The following GCSAML variants were observed in gnomAD, a reference collection of about 807,000 sequenced individuals.
The protein encoded by GCSAML is germinal center-associated signaling and motility-like protein.
A neutral mutation model predicts 13.0 loss-of-function variants in GCSAML; 9 were observed. The ratio of observed to expected loss-of-function variants is 0.69; its 90% CI spans 0.42 to 1.21. The LOEUF (loss-of-function observed/expected upper bound fraction) is 1.21, where lower values mean the gene tolerates loss of function less well. GCSAML is among the 50% of genes most tolerant of loss of function. The pLI, the probability that GCSAML is intolerant of heterozygous loss-of-function variation, is 0.00. For missense variants in GCSAML, 143 were observed against 153.4 expected (o/e 0.93, Z 0.36); for synonymous variants, 37 against 52.9 (o/e 0.70, Z 1.31).
intron 1 of GCSAML, among the ~76,000 whole-genome samples, chr1:247,555,903 A>G (rs1181302709): frequency 6.6e-6 from 1 of 152,252 alleles, no homozygotes; most frequent in Non-Finnish European, 1.5e-5. Flanking sequence ...TGAAAAAGTC[A>G]GCTTTCCTGA....
At chr1:247,508,241 T>C (rs1258240211) in intron 1 of GCSAML, among the ~76,000 whole-genome samples, 1 of 152,254 alleles carries the variant, frequency 6.6e-6, no homozygotes, top group East Asian at 1.9e-4. Flanking sequence ...ATTGTGGTTT[T>C]GATTTGCATT....
At chr1:247,545,851 A>G (rs1403464903), upstream of GCSAML, among the ~76,000 whole-genome samples, 1 of 152,212 alleles carries the variant, frequency 6.6e-6, no homozygotes. Flanking sequence ...TTGCCTTTTC[A>G]TTCTCATTGT....
At position 247,531,821 on chromosome 1, in the gene GCSAML, A is replaced by C. The variant is rs778690362; in HGVS notation, c.-148+4767A>C. ...AATGCCTTTCTCCGCCCTTCTGCTG[A>C]CCTGATCTTCAACACGGCCCGGGCA... is the stretch of plus-strand genomic sequence containing the variant. On this transcript the variant is annotated intron_variant, in intron 2 of 5. Transcript: ENST00000366489. The C allele has an allele frequency of 5.6e-6, 9 of 1,614,144 alleles. No homozygotes were observed. In the Admixed American group the frequency reaches 1.5e-4, roughly 27 times the overall value.
intron 2 of GCSAML, among the ~76,000 whole-genome samples, chr1:247,561,853 T>C (rs1001672367): frequency 2.0e-5 from 3 of 152,086 alleles, no homozygotes; most frequent in African/African-American, 4.8e-5. Context: ...GCTATGGCTG[T>C]GACTGAACCA....
Position 247,563,638 on chromosome 1 carries a change from A to C in GCSAML, c.138A>C (p.Lys46Asn). The C allele has an allele frequency of 6.4e-7, 1 of 1,551,514 alleles. No homozygotes were observed. The highest frequency in any genetic ancestry group is 1.1e-5 in the South Asian group (1 of 88,894). ...FERKLQDQDK[K>N]SQEVSSTSNQ... is the part of the protein sequence containing the mutation. ...GAAAACTTCAAGATCAAGATAAGAA[A>C]AGTAAGTCATGGCTGTATAATATTT... Residue 46 changes from lysine (K) to asparagine (N), a missense_variant and splice_region_variant, in exon 3 of 5, where the codon AAA becomes AAC. Physicochemically the swap from Lys to Asn is moderately conservative, Grantham distance 94. Transcript: ENST00000366488.
intron 4 of GCSAML, among the ~76,000 whole-genome samples, chr1:247,568,606 C>G (rs953294572): frequency 8.6e-5 from 13 of 152,008 alleles, no homozygotes; most frequent in Non-Finnish European, 1.3e-4. Flanking sequence ...AGTCAGGTAG[C>G]GTGATGCCTC....
intron 1 of GCSAML, chr1:247,524,559 G>A (rs1376552448): frequency 6.6e-6 from 1 of 152,252 alleles, no homozygotes; most frequent in East Asian, 1.9e-4. Flanking sequence ...TGAAAGCAGG[G>A]ATATCAGTTA....
At chr1:247,545,407 C>G (rs549841528), upstream of GCSAML, among the ~76,000 whole-genome samples, 21 of 152,248 alleles carry the variant, frequency 1.4e-4, no homozygotes, top group African/African-American at 4.8e-4. Flanking sequence ...ATAATACTGT[C>G]AGGATTTATT....
intron 2 of GCSAML, among the ~76,000 whole-genome samples, chr1:247,533,137 G>A (rs61838222): frequency 0.56 from 84,677 of 151,810 alleles, 24,800 homozygotes; most frequent in East Asian, 0.78. Flanking sequence ...CACCACCCCT[G>A]CTCCTGCCAC....
intron 2 of GCSAML, 115 bp from the exon 3 acceptor site, chr1:247,563,475 G>C (rs1668213826): frequency 1.8e-6 from 1 of 568,728 alleles, no homozygotes; most frequent in Non-Finnish European, 3.1e-6. Context: ...TTTAATATTT[G>C]CATGGAAAAT....
chr1:247,547,680 G>A (rs1424897910), upstream of GCSAML, among the ~76,000 whole-genome samples: 4 of 152,156 alleles, frequency 2.6e-5, no homozygotes, highest in Admixed American at 1.3e-4. Context: ...CAGAGATGCC[G>A]GTGTTTCTGG....
chr1:247,529,273 C>G (rs895024007), intron 2 of GCSAML: 4 of 152,168 alleles, frequency 2.6e-5, no homozygotes, highest in African/African-American at 9.7e-5. Flanking sequence ...TGCAATATCA[C>G]CTGTAACCAG....
Position 247,531,625 on chromosome 1 carries a change from G to T in GCSAML, c.-148+4571G>T, listed in dbSNP as rs533944468. ...GTGCCGGAGGGCGCTCTTCACCTCC[G>T]TGTTCCTCAGGGTGTAAATAAGTGG... On this transcript the variant is annotated intron_variant, in intron 2 of 5. Transcript: ENST00000366489. 5 of 1,614,088 alleles carry T rather than the reference G, an allele frequency of 3.1e-6. No homozygotes were observed. In the African/African-American group the frequency reaches 6.7e-5, roughly 22 times the overall value.
intron 2 of GCSAML, among the ~76,000 whole-genome samples, chr1:247,542,677 G>A (rs540359973): frequency 1.3e-5 from 2 of 152,152 alleles, no homozygotes; most frequent in African/African-American, 4.8e-5. Context: ...CCTGAAACAG[G>A]TTATTTTTTA....
At chr1:247,540,178 T>C (rs1667363938) in intron 2 of GCSAML, among the ~76,000 whole-genome samples, 1 of 152,212 alleles carries the variant, frequency 6.6e-6, no homozygotes, top group Non-Finnish European at 1.5e-5. Context: ...ATTACAGGCA[T>C]GTGCTACCAC....
chr1:247,521,483 T>G (rs1311714659), intron 1 of GCSAML, among the ~76,000 whole-genome samples: 1 of 152,168 alleles, frequency 6.6e-6, no homozygotes, highest in Non-Finnish European at 1.5e-5. Flanking sequence ...CCTCCCTGCC[T>G]GATTCTACTG....
Position 247,521,344 on chromosome 1 carries a change from C to CGGTCTCCCTCTCCCTCTCCAT in GCSAML, c.-262-5576_-262-5575insTGGTCTCCCTCTCCCTCTCCA, listed in dbSNP as rs1491318363. 2.3e-4 allele frequency among the ~76,000 whole-genome samples: 31 copies of CGGTCTCCCTCTCCCTCTCCAT among 136,384 alleles called. 1 individual carries two copies. The highest frequency in any genetic ancestry group is 8.6e-4 in the African/African-American group (31 of 36,116). The allele number at this position is 136,384 out of a possible 152,430, so 89.5% of individuals were successfully genotyped here. A position where few individuals can be genotyped will look rare whatever the true frequency, so the allele number is the denominator to read the frequency against. ...TCTCCAGTCTCCCTCTCCCTCTCCA[C>CGGTCTCCCTCTCCCTCTCCAT]GGTCTCCCTCTCCCTCTCCACGGTC... On this transcript the variant is annotated intron_variant, in intron 1 of 5. Coordinates refer to the GCSAML transcript ENST00000366489.
intron 1 of GCSAML, among the ~76,000 whole-genome samples, chr1:247,522,741 C>T (rs550570197): frequency 6.6e-6 from 1 of 152,208 alleles, no homozygotes; most frequent in East Asian, 1.9e-4. Context: ...CATCACCACT[C>T]CCTAATCTCA....
intron 1 of GCSAML, among the ~76,000 whole-genome samples, chr1:247,514,704 C>T (rs1419375102): frequency 6.6e-6 from 1 of 152,098 alleles, no homozygotes; most frequent in Non-Finnish European, 1.5e-5. Flanking sequence ...ATTATTCCAG[C>T]ACTATTTGTT....
Sources: gnomAD v4.1 joint callset for allele counts (sites outside exome capture counted in the v4.1 genomes callset) on GRCh38, gnomAD v4.1.1 for gene constraint, MANE v1.5 for transcripts, NCBI Gene and HGNC (gene_info 2026-07-23, HGNC 2026-07-21) for gene names.